The following LARS1 variants were observed in gnomAD, a reference collection of about 807,000 sequenced individuals.
The protein encoded by LARS1 is leucyl-tRNA synthetase 1.
In LARS1, 100 loss-of-function variants were observed where a neutral mutation model predicts 162.8. The ratio of observed to expected loss-of-function variants is 0.61; its 90% CI spans 0.52 to 0.73. LARS1 has a LOEUF of 0.73. Among genes scored for constraint, LARS1 ranks in the 30% least tolerant of loss-of-function variants. The pLI is 0.00. For missense variants in LARS1, 1,258 were observed against 1,408.9 expected (o/e 0.89, Z 1.71); for synonymous variants, 457 against 462.8 (o/e 0.99, Z 0.16).
chr5:146,140,019 C>T (rs1752701508), intron 21 of LARS1, among the ~76,000 whole-genome samples, 185 bp downstream of exon 21: 1 of 151,878 alleles, frequency 6.6e-6, no homozygotes, highest in South Asian at 2.1e-4. Context: ...ATCGTCCAGG[C>T]TGGTCTTGAA....
intron 23 of LARS1, 64 bp from the exon 24 acceptor site, chr5:146,131,173 C>CTG (rs1183524016): frequency 1.5e-6 from 1 of 652,420 alleles, no homozygotes; most frequent in Non-Finnish European, 2.5e-6. Flanking sequence ...CTATAAAAAA[C>CTG]TGCTGCATAC....
intron 1 of LARS1, among the ~76,000 whole-genome samples, chr5:146,178,897 C>T (rs1009813330): frequency 1.3e-5 from 2 of 151,978 alleles, no homozygotes; most frequent in African/African-American, 4.8e-5. Flanking sequence ...GAGTTTGAGA[C>T]CAGCCTAGGC....
chr5:146,155,079 T>C (rs1753462346), intron 10 of LARS1, among the ~76,000 whole-genome samples: 1 of 152,110 alleles, frequency 6.6e-6, no homozygotes, highest in South Asian at 2.1e-4. Context: ...CTTGAACTCC[T>C]GACCCCAGGT....
At chr5:146,176,886 G>A (rs373210540) in intron 2 of LARS1, among the ~76,000 whole-genome samples, 14 of 151,938 alleles carry the variant, frequency 9.2e-5, no homozygotes, top group East Asian at 1.9e-4. Flanking sequence ...GATAATAATC[G>A]TCTATGAGTC....
intron 22 of LARS1, among the ~76,000 whole-genome samples, chr5:146,134,599 C>CA (rs560468850): frequency 1.2e-3 from 185 of 152,070 alleles, no homozygotes; most frequent in African/African-American, 4.0e-3. Context: ...TGAGGCCAGA[C>CA]AAAAAAACAA....
intron 6 of LARS1, among the ~76,000 whole-genome samples, chr5:146,163,850 C>T (rs1753887099): frequency 1.3e-5 from 2 of 152,190 alleles, no homozygotes; most frequent in Non-Finnish European, 2.9e-5. Context: ...ACATGTGACT[C>T]TCCCTTTCAC....
chr5:146,139,322 G>C (rs1416638961), intron 21 of LARS1, among the ~76,000 whole-genome samples: 5 of 140,720 alleles, frequency 3.6e-5, no homozygotes, highest in African/African-American at 1.4e-4. Context: ...CAGCCTGGGC[G>C]AAAGAGTGAG....
chr5:146,147,209 A>T (rs935789098), intron 15 of LARS1, among the ~76,000 whole-genome samples: 1 of 152,192 alleles, frequency 6.6e-6, no homozygotes, highest in African/African-American at 2.4e-5. Flanking sequence ...AATATATTAC[A>T]TATCAACGGT....
At chr5:146,162,798 T>G (rs1025965262) in intron 6 of LARS1, among the ~76,000 whole-genome samples, 15 of 152,252 alleles carry the variant, frequency 9.9e-5, no homozygotes, top group African/African-American at 3.1e-4. Context: ...AATAACTTGC[T>G]GCAGCTTCTA....
In LARS1 at chr5:146,128,678, G is replaced by A. The variant is rs936561800; in HGVS notation, c.2874C>T (p.His958=). The A allele has an allele frequency of 1.3e-6, 2 of 1,570,340 alleles. No homozygotes were observed. Among genetic ancestry groups the A allele is most frequent in the African/African-American group, 1.4e-5 (1 of 71,700 alleles). The change falls in exon 27 of 32, where the codon CAC becomes CAT. Residue 958 remains histidine (H), a synonymous_variant. Coordinates refer to ENST00000394434, the MANE Select transcript of LARS1 (RefSeq NM_020117.11). ...QHTTLSVLRK[H]FEANNGKLPD... ...AGTCTACTGAGAGCATCACCTCAAA[G>A]TGTTTACGTAGAACAGACAGGGTGG...
chr5:146,145,267 T>C (rs887048311), intron 15 of LARS1, among the ~76,000 whole-genome samples: 1 of 142,104 alleles, frequency 7.0e-6, no homozygotes, highest in Non-Finnish European at 1.6e-5. Context: ...AATTTTTTTA[T>C]AGAAATAGGG....
intron 15 of LARS1, among the ~76,000 whole-genome samples, chr5:146,146,532 C>CAAAA (rs573828595): frequency 4.8e-3 from 127 of 26,448 alleles, no homozygotes; most frequent in African/African-American, 5.7e-3. Context: ...ATGCCAGAAC[C>CAAAA]AAAAAAAAAA....
intron 21 of LARS1, 125 bp from the exon 22 acceptor site, chr5:146,135,789 G>A (rs1457005564): frequency 1.1e-5 from 7 of 621,084 alleles, no homozygotes; most frequent in African/African-American, 3.9e-5. Context: ...AATACGGAAA[G>A]GAAAAGATAT....
At chr5:146,135,733 A>G in intron 21 of LARS1, 69 bp from the exon 22 acceptor site, 2 of 1,110,914 alleles carry the variant, frequency 1.8e-6, no homozygotes, top group Non-Finnish European at 1.3e-6. Flanking sequence ...GCCAAATAAA[A>G]TTAACTAGGT....
Position 146,172,672 on chromosome 5 carries a change from A to G in LARS1, c.213+15T>C, listed in dbSNP as rs546422648. ...AACCTTCCTCCCCATTATAGCAAAC[A>G]TAGGGAAACATTACCTCACATTTGG... On this transcript the variant is annotated intron_variant, in intron 3 of 31. Transcript: ENST00000394434. The G allele has an allele frequency of 4.6e-5, 69 of 1,486,888 alleles. 1 individual carries two copies. In the South Asian group the frequency reaches 8.4e-4, roughly 18 times the overall value. 92.1% of individuals were successfully genotyped at this position (1,486,888 alleles called of 1,614,324 possible). A position where few individuals can be genotyped will look rare whatever the true frequency, so the allele number is the denominator to read the frequency against.
At position 146,174,484 on chromosome 5, in the gene LARS1, C is replaced by CCA. The variant is rs1491346027; in HGVS notation, c.126-1712_126-1711dup. On this transcript the variant is annotated intron_variant, in intron 2 of 31. Coordinates refer to ENST00000394434, the MANE Select transcript of LARS1 (RefSeq NM_020117.11). ...TATATCCATATATATATATATATAT[C>CCA]CATATATATATATATCCATATATAT... 9.4e-3 allele frequency among the ~76,000 whole-genome samples: 45 copies of CCA among 4,770 alleles called. 4 individuals carry two copies. Among genetic ancestry groups the CCA allele is most frequent in the African/African-American group, 0.022 (43 of 1,996 alleles). The allele number at this position is 4,770 out of a possible 152,430, so 3.1% of individuals were successfully genotyped here. A position where few individuals can be genotyped will look rare whatever the true frequency, so the allele number is the denominator to read the frequency against.
chr5:146,135,180 T>G (rs1010423386), intron 22 of LARS1, among the ~76,000 whole-genome samples: 1 of 151,578 alleles, frequency 6.6e-6, no homozygotes, highest in African/African-American at 2.4e-5. Flanking sequence ...AATTTTTTTT[T>G]TTTTTTTTGT....
In LARS1 at chr5:146,136,569, C is replaced by G. The variant is rs190634255; in HGVS notation, c.2149-905G>C. On this transcript the variant is annotated intron_variant, in intron 21 of 31. Coordinates refer to ENST00000394434, the MANE Select transcript of LARS1 (RefSeq NM_020117.11). ...AATCTTGGCTCAGTGCAACCTCCGC[C>G]TCCCTCGGTTCAAGGGATTCTCTTA... is the stretch of plus-strand genomic sequence containing the variant. 3.9e-5 allele frequency among the ~76,000 whole-genome samples: 6 copies of G among 152,048 alleles called. No homozygotes were observed. The East Asian group carries it at 1.2e-3, about 30-fold the overall frequency.
chr5:146,140,547 C>A (rs956134441), intron 20 of LARS1, among the ~76,000 whole-genome samples: 1 of 152,208 alleles, frequency 6.6e-6, no homozygotes, highest in Admixed American at 6.5e-5. Context: ...GTGGCTCACG[C>A]CCGTAATCCC....
Sources: gnomAD v4.1 joint callset for allele counts (sites outside exome capture counted in the v4.1 genomes callset) on GRCh38, gnomAD v4.1.1 for gene constraint, MANE v1.5 for transcripts, NCBI Gene and HGNC (gene_info 2026-07-23, HGNC 2026-07-21) for gene names.